VAV2: variants seen among roughly 807,000 people sequenced by gnomAD.
VAV2 encodes guanine nucleotide exchange factor VAV2.
Under a neutral mutation model 132.5 loss-of-function variants are expected in VAV2, and 67 were observed. The observed-to-expected ratio is 0.51, with a 90% confidence interval of 0.42 to 0.62. VAV2 has a LOEUF of 0.62. VAV2 is among the 20% of genes least tolerant of loss of function. VAV2 has a pLI of 0.00. For synonymous variants in VAV2, 492 were observed against 443.5 expected, an observed-to-expected ratio of 1.11 and a Z score of -1.37; for missense variants, 938 against 1,153.6, an observed-to-expected ratio of 0.81 and a Z score of 2.71.
At chr9:133,925,107 A>C (rs528095442) in intron 2 of VAV2, among the ~76,000 whole-genome samples, 12 of 152,330 alleles carry the variant, frequency 7.9e-5, no homozygotes, top group African/African-American at 2.9e-4. Flanking sequence ...GTGATGAAAA[A>C]ATTCCAGAAC....
intron 1 of VAV2, among the ~76,000 whole-genome samples, chr9:133,980,230 C>T (rs566473751): frequency 2.8e-4 from 43 of 152,270 alleles, no homozygotes; most frequent in Non-Finnish European, 5.4e-4. Flanking sequence ...AAGTGAATGG[C>T]GCTCCAGAGG....
intron 2 of VAV2, among the ~76,000 whole-genome samples, chr9:133,909,018 G>A (rs1305603887): frequency 2.0e-5 from 3 of 152,238 alleles, no homozygotes; most frequent in African/African-American, 7.2e-5. Context: ...ACCTGATCCG[G>A]TAAGAACATC....
chr9:133,808,008 C>T lies in VAV2; in HGVS notation c.667-682G>A, dbSNP rs560414230. Among the ~76,000 whole-genome samples, 10 of 152,384 alleles carry T rather than the reference C, an allele frequency of 6.6e-5. No homozygotes were observed. In the South Asian group the frequency reaches 2.1e-3, roughly 32 times the overall value. On this transcript the variant is annotated intron_variant, in intron 7 of 29. Transcript: ENST00000371850. ...CTGCTGCACCGCTCCTTGGTCACCACGTGGCACAGAGAGCATCGCCCAAGC... is the reference window on the plus strand; with the variant it reads ...CTGCTGCACCGCTCCTTGGTCACCATGTGGCACAGAGAGCATCGCCCAAGC...
chr9:133,866,451 G>T (rs1837803430), intron 2 of VAV2, among the ~76,000 whole-genome samples: 1 of 152,172 alleles, frequency 6.6e-6, no homozygotes, highest in Admixed American at 6.5e-5. Context: ...ATCGGTGGGA[G>T]TGAGGACACG....
At chr9:133,805,353 T>C (rs1423618083) in intron 9 of VAV2, among the ~76,000 whole-genome samples, 1 of 152,116 alleles carries the variant, frequency 6.6e-6, no homozygotes, top group Non-Finnish European at 1.5e-5. Flanking sequence ...AGCATTAGCA[T>C]AGACCCCTTC....
At chr9:133,916,975 G>A (rs1052680692) in intron 2 of VAV2, among the ~76,000 whole-genome samples, 8 of 152,224 alleles carry the variant, frequency 5.3e-5, no homozygotes, top group African/African-American at 1.2e-4. Context: ...AAAGAAACCC[G>A]GAGCTTTGGG....
Position 133,794,970 on chromosome 9 carries a change from C to T in VAV2, c.1101+698G>A, listed in dbSNP as rs150201999. On this transcript the variant is annotated intron_variant, in intron 12 of 29. Coordinates refer to ENST00000371850, the MANE Select transcript of VAV2 (RefSeq NM_001134398.2). This position sits in a 1 kb window ranked among gnomAD's most constrained non-coding sequence, Gnocchi z 4.6. ...GGATGAGCAGGACGTGGCCAGGTGACGAGGAGGAGGGTGCACCTGAGCCAA... is the reference window on the plus strand; with the variant it reads ...GGATGAGCAGGACGTGGCCAGGTGATGAGGAGGAGGGTGCACCTGAGCCAA... 8.3e-4 allele frequency among the ~76,000 whole-genome samples: 127 copies of T among 152,304 alleles called. No individual in the cohort carries two copies. Among genetic ancestry groups the T allele is most frequent in the Non-Finnish European group, 1.6e-3 (107 of 68,026 alleles).
At position 133,913,486 on chromosome 9, in the gene VAV2, C is replaced by T. The variant is rs1007184843; in HGVS notation, c.321+25617G>A. Among the ~76,000 whole-genome samples, 7 of 152,238 alleles carry T rather than the reference C, an allele frequency of 4.6e-5. 1 individual carries two copies. Among genetic ancestry groups the T allele is most frequent in the Admixed American group, 4.6e-4 (7 of 15,288 alleles). On this transcript the variant is annotated intron_variant, in intron 2 of 29. Transcript: ENST00000371850. ...CTATGCCAGGGATGCCAATCAGAAT[C>T]TTCAAGGGCGGTTTCTCCAAAAAGT...
At chr9:133,920,105 G>A (rs1191638309) in intron 2 of VAV2, among the ~76,000 whole-genome samples, 1 of 152,150 alleles carries the variant, frequency 6.6e-6, no homozygotes, top group Non-Finnish European at 1.5e-5. Flanking sequence ...CGAGAACCAG[G>A]CCTCACTCAC....
intron 3 of VAV2, among the ~76,000 whole-genome samples, chr9:133,844,527 A>G (rs577327918): frequency 9.9e-5 from 15 of 152,204 alleles, no homozygotes; most frequent in Admixed American, 9.8e-4. Flanking sequence ...TGAGGCCTGC[A>G]CCCCCAGTCC....
intron 1 of VAV2, among the ~76,000 whole-genome samples, chr9:133,970,513 G>A (rs1015390391): frequency 4.6e-5 from 7 of 152,134 alleles, no homozygotes; most frequent in African/African-American, 1.7e-4. Context: ...GCGATCACGA[G>A]GCTGTCCACG....
At chr9:133,895,560 T>C (rs1046896138) in intron 2 of VAV2, among the ~76,000 whole-genome samples, 2 of 152,080 alleles carry the variant, frequency 1.3e-5, no homozygotes, top group African/African-American at 2.4e-5. Context: ...GGACAATCTA[T>C]TGTGACATTC....
rs765088441 is a variant in VAV2, at chr9:133,839,451, G to GTT, written c.381-5113_381-5112dup. Among the ~76,000 whole-genome samples, 72 of 140,432 alleles carry GTT rather than the reference G, an allele frequency of 5.1e-4. 1 individual carries two copies. The highest frequency in any genetic ancestry group is 7.3e-4 in the African/African-American group (28 of 38,134). 92.1% of individuals were successfully genotyped at this position (140,432 alleles called of 152,430 possible). A position where few individuals can be genotyped will look rare whatever the true frequency, so the allele number is the denominator to read the frequency against. On this transcript the variant is annotated intron_variant, in intron 3 of 29. Transcript: ENST00000371850. ...GCAGCCTCAAATTAGATACGAGGAA[G>GTT]TTTTTTTTTTTTTTTTTGAGACGGA...
chr9:133,784,123 G>A (rs1053943757), intron 18 of VAV2, among the ~76,000 whole-genome samples, 194 bp downstream of exon 18: 9 of 152,130 alleles, frequency 5.9e-5, no homozygotes, highest in African/African-American at 1.2e-4. Flanking sequence ...CAAGCGATTC[G>A]CCTGCCTCAG....
rs895964480 is a variant in VAV2 at position 133,919,862 on chromosome 9, C to T, written c.321+19241G>A. Among the ~76,000 whole-genome samples, 28 of 152,166 alleles carry T rather than the reference C, an allele frequency of 1.8e-4. No homozygotes were observed. The highest frequency in any genetic ancestry group is 4.8e-4 in the African/African-American group (20 of 41,440). On this transcript the variant is annotated intron_variant, in intron 2 of 29. Transcript: ENST00000371850. The surrounding 1 kb of genome is among the most constrained non-coding windows in gnomAD (Gnocchi z 5.8). ...ACCCCTGCCTCACCCACCACCCAAC[C>T]GCATGTCCTCCGCGGAGCCCAGAGT... is the stretch of plus-strand genomic sequence containing the variant.
intron 3 of VAV2, among the ~76,000 whole-genome samples, chr9:133,853,731 T>G (rs1837276137): frequency 6.6e-6 from 1 of 152,088 alleles, no homozygotes; most frequent in Non-Finnish European, 1.5e-5. Flanking sequence ...AAGCCAGGCC[T>G]GAGTGCCCTG....
At chr9:133,814,539 C>T (rs1339709653) in intron 4 of VAV2, among the ~76,000 whole-genome samples, 1 of 152,258 alleles carries the variant, frequency 6.6e-6, no homozygotes, top group African/African-American at 2.4e-5. Context: ...AGACAGACGT[C>T]AGCTTTTCTC....
At chr9:133,812,894 C>T (rs1476824127) in intron 4 of VAV2, among the ~76,000 whole-genome samples, 1 of 152,234 alleles carries the variant, frequency 6.6e-6, no homozygotes, top group African/African-American at 2.4e-5. Context: ...AGGATCCCCA[C>T]TTGGTCTGTG....
intron 2 of VAV2, among the ~76,000 whole-genome samples, chr9:133,936,368 A>C (rs1213418672): frequency 1.3e-5 from 2 of 150,786 alleles, no homozygotes; most frequent in East Asian, 3.9e-4. Context: ...TCAGCCTCCC[A>C]AGTAGCTGGG....
Sources: allele counts gnomAD v4.1 joint callset (sites outside exome capture counted in the v4.1 genomes callset), GRCh38; gene constraint gnomAD v4.1.1; non-coding constraint Gnocchi (gnomAD v3.1); transcripts MANE v1.5; gene names NCBI Gene and HGNC (gene_info 2026-07-23, HGNC 2026-07-21).